MTUS1: variants seen among roughly 807,000 people sequenced by gnomAD.
MTUS1 encodes microtubule associated scaffold protein 1.
A neutral mutation model predicts 120.8 loss-of-function variants in MTUS1; 109 were observed. The ratio of observed to expected loss-of-function variants is 0.90; its 90% CI spans 0.77 to 1.06. The LOEUF (loss-of-function observed/expected upper bound fraction) is 1.06, where lower values mean the gene tolerates loss of function less well. MTUS1 is among the 50% of genes least tolerant of loss of function. MTUS1 has a pLI of 0.00. For missense variants in MTUS1, 2,210 were observed against 1,486.3 expected (o/e 1.49, Z -8.01); for synonymous variants, 737 against 550.5 (o/e 1.34, Z -4.74).
chr8:17,688,499 T>C (rs1464555489), intron 6 of MTUS1, among the ~76,000 whole-genome samples: 1 of 152,218 alleles, frequency 6.6e-6, no homozygotes, highest in Non-Finnish European at 1.5e-5. Context: ...TGACAAAACA[T>C]AGGTTATGAA....
chr8:17,753,706 A>T lies in MTUS1; in HGVS notation c.2091+11T>A, dbSNP rs762429595. 2 of 1,553,984 alleles carry T rather than the reference A, an allele frequency of 1.3e-6. No homozygotes were observed. Among genetic ancestry groups the T allele is most frequent in the Admixed American group, 3.8e-5 (2 of 52,602 alleles). ...TCTGAAGCATGCAAAAAATATATAT[A>T]TATTACTTACCAAAAACAGAGAACC... On this transcript the variant is annotated intron_variant, in intron 2 of 14. Coordinates refer to ENST00000693296, the MANE Select transcript of MTUS1 (RefSeq NM_001363059.2).
chr8:17,715,771 TGGA>T lies in MTUS1; in HGVS notation c.2577_2579del (p.Pro860del). ...AAACCACAATGAGGACTGTACCTTT[TGGA>T]GGAGTTTTCATCAAGTGAACATGAG... is the stretch of plus-strand genomic sequence containing the variant. On this transcript the variant is annotated inframe_deletion, in exon 5 of 15. Coordinates refer to ENST00000693296, the MANE Select transcript of MTUS1 (RefSeq NM_001363059.2). The T allele has an allele frequency of 3.1e-6, 5 of 1,612,168 alleles. No individual in the cohort carries two copies. Among genetic ancestry groups the T allele is most frequent in the Non-Finnish European group, 3.4e-6 (4 of 1,179,522 alleles).
At chr8:17,677,928 A>T (rs146163927) in intron 7 of MTUS1, among the ~76,000 whole-genome samples, 145 of 152,320 alleles carry the variant, frequency 9.5e-4, no homozygotes, top group African/African-American at 3.2e-3. Context: ...TGAAAATATA[A>T]AAGAAATTTA....
chr8:17,754,287 G>C lies in MTUS1; in HGVS notation c.1521C>G (p.Phe507Leu). ...ACATAACTTTTGCTTTGACATTCTT[G>C]AAGTTTGGTCTTGGGTAACTTATAA... The part of the protein sequence containing the change: ...TEIISYPRPN[F>L]KNVKAKVMSR... Residue 507 changes from phenylalanine to leucine, a missense_variant, in exon 2 of 15, where the codon TTC becomes TTG. Coordinates refer to ENST00000693296, the MANE Select transcript of MTUS1 (RefSeq NM_001363059.2). The C allele has an allele frequency of 1.2e-6, 2 of 1,614,062 alleles. No homozygotes were observed. The highest frequency in any genetic ancestry group is 1.1e-5 in the South Asian group (1 of 91,078).
At chr8:17,728,049 A>T (rs2046331014) in intron 3 of MTUS1, among the ~76,000 whole-genome samples, 1 of 152,240 alleles carries the variant, frequency 6.6e-6, no homozygotes, top group African/African-American at 2.4e-5. Context: ...TAAAATTTCA[A>T]TGGAAAGATT....
intron 13 of MTUS1, among the ~76,000 whole-genome samples, chr8:17,647,738 G>A (rs567421128): frequency 9.2e-5 from 14 of 152,170 alleles, no homozygotes; most frequent in African/African-American, 1.9e-4. Context: ...ACTGATCAGC[G>A]GAGAGATGAA....
At chr8:17,780,895 G>A (rs144785619) in intron 1 of MTUS1, 2 of 152,268 alleles carry the variant, frequency 1.3e-5, no homozygotes, top group African/African-American at 4.8e-5. Context: ...AAAAGGTGAC[G>A]TGAGGCATCA....
At chr8:17,725,066 A>AT (rs1295076099) in intron 3 of MTUS1, among the ~76,000 whole-genome samples, 1 of 151,822 alleles carries the variant, frequency 6.6e-6, no homozygotes, top group South Asian at 2.1e-4. Flanking sequence ...ATATAGCCCT[A>AT]TTTTTTATTT....
rs1822715768 is a variant in MTUS1, at chr8:17,718,301, C to T, written c.2450-2400G>A. On this transcript the variant is annotated intron_variant, in intron 4 of 14. Transcript: ENST00000693296. ...CATTATATCCAAACAATAAAGTCCTCAGCGGCAACAATTCCAATATAAGAG... is the reference window on the plus strand; with the variant it reads ...CATTATATCCAAACAATAAAGTCCTTAGCGGCAACAATTCCAATATAAGAG... Among the ~76,000 whole-genome samples the T allele has an allele frequency of 2.0e-5, 3 of 152,198 alleles. 1 individual carries two copies. In the South Asian group the frequency reaches 6.2e-4, roughly 31 times the overall value.
At chr8:17,741,454 G>A (rs917974478) in intron 3 of MTUS1, among the ~76,000 whole-genome samples, 4 of 152,076 alleles carry the variant, frequency 2.6e-5, no homozygotes, top group African/African-American at 2.4e-5. Context: ...CCAGTAAAAC[G>A]TAATTAGTTT....
chr8:17,722,409 C>G (rs991201213), intron 4 of MTUS1: 1 of 984,834 alleles, frequency 1.0e-6, no homozygotes, highest in African/African-American at 1.7e-5. Flanking sequence ...AAATAATACA[C>G]GTGTGAATTA....
chr8:17,687,046 C>G (rs909422119), intron 6 of MTUS1, among the ~76,000 whole-genome samples: 23 of 152,140 alleles, frequency 1.5e-4, no homozygotes, highest in African/African-American at 4.8e-4. Context: ...GGAATCTAAA[C>G]ATTACGCAGG....
At chr8:17,757,671 T>TGTGTA (rs942015029) in intron 1 of MTUS1, among the ~76,000 whole-genome samples, 2 of 151,980 alleles carry the variant, frequency 1.3e-5, no homozygotes, top group African/African-American at 4.8e-5. Flanking sequence ...GGACTACAGG[T>TGTGTA]GTACACCTTC....
At chr8:17,720,302 G>A (rs1482996861) in intron 4 of MTUS1, among the ~76,000 whole-genome samples, 2 of 151,236 alleles carry the variant, frequency 1.3e-5, no homozygotes, top group Non-Finnish European at 2.9e-5. Flanking sequence ...CTGAGATCAT[G>A]CCACTGCACT....
At chr8:17,662,390 C>T (rs77383553) in intron 8 of MTUS1, among the ~76,000 whole-genome samples, 1,803 of 137,146 alleles carry the variant, frequency 0.013, 33 homozygotes, top group African/African-American at 0.049. Context: ...GAGTCTCGCA[C>T]TGTCACCTGG....
At chr8:17,722,085 T>A in intron 4 of MTUS1, 1 of 1,335,404 alleles carries the variant, frequency 7.5e-7, no homozygotes, top group Non-Finnish European at 9.6e-7. Flanking sequence ...CTCACTGATT[T>A]GAATGCTTAA....
In MTUS1 at chr8:17,703,279, G is replaced by T. The variant is rs185040095; in HGVS notation, c.2623+9935C>A. On this transcript the variant is annotated intron_variant, in intron 6 of 14. Transcript: ENST00000693296. ...ATATAATATTAAGACCCTAGGAAAA[G>T]AATTGCATTCCTGGGGGTAGGTCTA... 6.6e-5 allele frequency among the ~76,000 whole-genome samples: 10 copies of T among 152,254 alleles called. No homozygotes were observed. In the East Asian group the frequency reaches 1.7e-3, roughly 27 times the overall value.
Position 17,675,225 on chromosome 8 carries a change from T to C in MTUS1, c.2866A>G (p.Thr956Ala). The C allele has an allele frequency of 1.9e-6, 3 of 1,614,032 alleles. No individual in the cohort carries two copies. The highest frequency in any genetic ancestry group is 2.5e-6 in the Non-Finnish European group (3 of 1,179,988). The change falls in exon 8 of 15, where the codon ACC becomes GCC. Residue 956 changes from threonine to alanine, a missense_variant. Coordinates refer to ENST00000693296, the MANE Select transcript of MTUS1 (RefSeq NM_001363059.2). ...AGGTTAACAAGTTCTTGAGATAGGG[T>C]TTTGTGTTGTTTCAGTGCTTCCTCC... is the stretch of plus-strand genomic sequence containing the variant. ...EREEALKQHKTLSQELVNLRG... is the reference protein window; with the variant it reads ...EREEALKQHKALSQELVNLRG...
At chr8:17,713,623 C>A (rs770115279) in intron 5 of MTUS1, among the ~76,000 whole-genome samples, 1 of 152,146 alleles carries the variant, frequency 6.6e-6, no homozygotes. Context: ...CCAGACTTCA[C>A]GAAGGACAGT....
Sources: gnomAD v4.1 joint callset for allele counts (sites outside exome capture counted in the v4.1 genomes callset) on GRCh38, gnomAD v4.1.1 for gene constraint, MANE v1.5 for transcripts, NCBI Gene and HGNC (gene_info 2026-07-23, HGNC 2026-07-21) for gene names.